The following EXT1 variants were observed in gnomAD, a reference collection of about 807,000 sequenced individuals.
EXT1 encodes exostosin glycosyltransferase 1, also known as exostosin-1.
In EXT1, 20 loss-of-function variants were observed where a neutral mutation model predicts 82.5. That is an observed-to-expected ratio of 0.24 (90% CI 0.17 to 0.35). The LOEUF is 0.35. Ranked by LOEUF, EXT1 falls within the 10% of genes least tolerant of loss-of-function variation. The pLI is 1.00. For synonymous variants in EXT1, 348 were observed against 350.8 expected (o/e 0.99, Z 0.09); for missense variants, 757 against 936.5 (o/e 0.81, Z 2.50).
At chr8:118,019,896 T>C (rs955039661) in intron 1 of EXT1, among the ~76,000 whole-genome samples, 2 of 152,172 alleles carry the variant, frequency 1.3e-5, no homozygotes, top group African/African-American at 2.4e-5. Flanking sequence ...AACCAAGCAA[T>C]AAACCCATTG....
At chr8:117,938,388 G>A in intron 1 of EXT1, among the ~76,000 whole-genome samples, 1 of 152,170 alleles carries the variant, frequency 6.6e-6, no homozygotes, top group East Asian at 1.9e-4. Flanking sequence ...CTTGAGGCCA[G>A]GAGGTAAAGG....
intron 1 of EXT1, among the ~76,000 whole-genome samples, chr8:117,932,768 T>C (rs1337444262): frequency 2.0e-5 from 3 of 152,230 alleles, no homozygotes; most frequent in Non-Finnish European, 4.4e-5. Context: ...AATACTTTTA[T>C]GACTGTTCTT....
At chr8:117,996,420 C>T (rs1191218197) in intron 1 of EXT1, among the ~76,000 whole-genome samples, 1 of 152,180 alleles carries the variant, frequency 6.6e-6, no homozygotes, top group East Asian at 1.9e-4. Context: ...CGGCTAGTGG[C>T]TGCCATATTG....
At chr8:117,883,685 G>A (rs1188234719) in intron 1 of EXT1, among the ~76,000 whole-genome samples, 2 of 152,166 alleles carry the variant, frequency 1.3e-5, no homozygotes, top group Non-Finnish European at 2.9e-5. Flanking sequence ...GTCCACTAGC[G>A]AAGCAATCCT....
chr8:117,901,400 T>C (rs1813446182), intron 1 of EXT1, among the ~76,000 whole-genome samples: 1 of 152,130 alleles, frequency 6.6e-6, no homozygotes, highest in African/African-American at 2.4e-5. Context: ...ATGGTACACC[T>C]CTGTGGGCCA....
chr8:117,934,417 C>T (rs1268385836), intron 1 of EXT1, among the ~76,000 whole-genome samples: 1 of 152,174 alleles, frequency 6.6e-6, no homozygotes, highest in Non-Finnish European at 1.5e-5. Context: ...GTCTGGGGAG[C>T]CTGCCTGCAT....
intron 1 of EXT1, among the ~76,000 whole-genome samples, chr8:117,840,051 C>T (rs1337070309): frequency 6.6e-6 from 1 of 152,182 alleles, no homozygotes; most frequent in Non-Finnish European, 1.5e-5. Flanking sequence ...CCCAGCAAAA[C>T]AGCAATTTAG....
Position 118,110,242 on chromosome 8 carries a change from T to C in EXT1, c.805A>G (p.Lys269Glu). The C allele has an allele frequency of 6.2e-7, 1 of 1,614,130 alleles. No individual in the cohort carries two copies. Among genetic ancestry groups the C allele is most frequent in the Non-Finnish European group, 8.5e-7 (1 of 1,180,032 alleles). The change falls in exon 1 of 11, where the codon AAG (lysine) becomes GAG (glutamate). Residue 269 changes from lysine to glutamate, a missense_variant. By Grantham distance (56) the Lys-to-Glu change is moderately conservative. Coordinates refer to ENST00000378204, the MANE Select transcript of EXT1 (RefSeq NM_000127.3). Reference protein sequence around the residue: ...LRKYMLVFKGKRYLTGIGSDT... With the variant: ...LRKYMLVFKGERYLTGIGSDT... ...GATCCTATCCCTGTCAGGTACCTCTTCCCCTTGAATACCAGCATGTACTTC... is the reference window on the plus strand; with the variant it reads ...GATCCTATCCCTGTCAGGTACCTCTCCCCCTTGAATACCAGCATGTACTTC...
chr8:117,886,234 T>A lies in EXT1; in HGVS notation c.963-49033A>T, dbSNP rs2129931669. ...ATAAAGTTTTTGTTTGTTTGTTTTG[T>A]TTTTTGGTATTTCAGGAATTAAATC... On this transcript the variant is annotated intron_variant, in intron 1 of 10. Transcript: ENST00000378204. 2.0e-5 allele frequency among the ~76,000 whole-genome samples: 3 copies of A among 152,324 alleles called. 1 individual carries two copies. The South Asian group carries it at 6.2e-4, about 32-fold the overall frequency.
At chr8:117,846,323 G>C (rs1563578197) in intron 1 of EXT1, among the ~76,000 whole-genome samples, 1 of 152,038 alleles carries the variant, frequency 6.6e-6, no homozygotes, top group East Asian at 1.9e-4. Flanking sequence ...GGTCAGGCTG[G>C]TCTTGAACTC....
chr8:117,973,192 G>C (rs954150089), intron 1 of EXT1, among the ~76,000 whole-genome samples: 2 of 152,156 alleles, frequency 1.3e-5, no homozygotes, highest in African/African-American at 4.8e-5. Flanking sequence ...TTCAATGTGG[G>C]CATCCTCATG....
At chr8:117,857,508 G>C (rs1340009501) in intron 1 of EXT1, among the ~76,000 whole-genome samples, 1 of 149,572 alleles carries the variant, frequency 6.7e-6, no homozygotes, top group East Asian at 2.0e-4. Context: ...TTCGAGACCA[G>C]CTTGGGCAAC....
chr8:117,937,925 T>C (rs1814198046), intron 1 of EXT1, among the ~76,000 whole-genome samples: 1 of 152,214 alleles, frequency 6.6e-6, no homozygotes, highest in Non-Finnish European at 1.5e-5. Context: ...CTCACTCTAG[T>C]CACAGATTGC....
Position 117,858,762 on chromosome 8 carries a change from A to AGGC in EXT1, c.963-21562_963-21561insGCC, listed in dbSNP as rs1563581999. ...GAAGGAAGGAAGGAAGGAAGGAAGG[A>AGGC]AGGAAGGCAGGCAGGCAGGCAGGCA... On this transcript the variant is annotated intron_variant, in intron 1 of 10. Transcript: ENST00000378204. Among the ~76,000 whole-genome samples, 238 of 50,226 alleles carry AGGC rather than the reference A, an allele frequency of 4.7e-3. 3 individuals carry two copies. Among genetic ancestry groups the AGGC allele is most frequent in the East Asian group, 0.018 (43 of 2,412 alleles). 33.0% of individuals were successfully genotyped at this position (50,226 alleles called of 152,430 possible). A position where few individuals can be genotyped will look rare whatever the true frequency, so the allele number is the denominator to read the frequency against.
At chr8:118,066,476 A>T (rs10111580) in intron 1 of EXT1, among the ~76,000 whole-genome samples, 1 of 151,780 alleles carries the variant, frequency 6.6e-6, no homozygotes, top group African/African-American at 2.4e-5. Flanking sequence ...CTCCTGCCTC[A>T]GCCTCCTGAG....
At chr8:117,836,086 C>G (rs1812184965) in intron 2 of EXT1, among the ~76,000 whole-genome samples, 1 of 152,192 alleles carries the variant, frequency 6.6e-6, no homozygotes, top group South Asian at 2.1e-4. Context: ...CAAACCAGAA[C>G]TTTGTTCCTT....
intron 1 of EXT1, among the ~76,000 whole-genome samples, chr8:118,016,878 G>A (rs1460071942): frequency 6.6e-6 from 1 of 152,204 alleles, no homozygotes; most frequent in Non-Finnish European, 1.5e-5. Context: ...ACAGACACAA[G>A]CAGCCTCTGG....
At chr8:118,025,223 CA>C (rs891881904) in intron 1 of EXT1, among the ~76,000 whole-genome samples, 4 of 152,076 alleles carry the variant, frequency 2.6e-5, no homozygotes, top group African/African-American at 9.7e-5. Context: ...GAAACAAAAA[CA>C]AAACTCTACA....
At chr8:117,969,292 C>T (rs998979742) in intron 1 of EXT1, among the ~76,000 whole-genome samples, 1 of 152,114 alleles carries the variant, frequency 6.6e-6, no homozygotes, top group Non-Finnish European at 1.5e-5. Context: ...AGTAGATTGT[C>T]CTCAGGAATT....
Sources: gnomAD v4.1 joint callset for allele counts (sites outside exome capture counted in the v4.1 genomes callset) on GRCh38, gnomAD v4.1.1 for gene constraint, MANE v1.5 for transcripts, NCBI Gene and HGNC (gene_info 2026-07-23, HGNC 2026-07-21) for gene names.